Variants in MIPEP observed in about 807,000 individuals in gnomAD.
MIPEP encodes the protein mitochondrial intermediate peptidase.
In MIPEP, 79 loss-of-function variants were observed where a neutral mutation model predicts 90.3. The observed-to-expected ratio is 0.87, with a 90% CI of 0.73 to 1.05. MIPEP has a LOEUF of 1.05. MIPEP is among the 50% of genes least tolerant of loss of function. The probability of loss-of-function intolerance (pLI) is 0.00; values close to 1 mark genes in which losing one functional copy is unlikely to be tolerated. For synonymous variants in MIPEP, 334 were observed against 315.8 expected, an observed-to-expected ratio of 1.06 and a Z score of -0.61; for missense variants, 940 against 905.6, an observed-to-expected ratio of 1.04 and a Z score of -0.49.
At chr13:23,859,972 C>T (rs568536839) in intron 9 of MIPEP, among the ~76,000 whole-genome samples, 5 of 152,370 alleles carry the variant, frequency 3.3e-5, no homozygotes, top group East Asian at 3.9e-4. Flanking sequence ...GCAGGGACTG[C>T]GTCCATGGAA....
intron 16 of MIPEP, among the ~76,000 whole-genome samples, chr13:23,768,754 A>G (rs1202581479): frequency 6.6e-6 from 1 of 152,062 alleles, no homozygotes; most frequent in Non-Finnish European, 1.5e-5. Flanking sequence ...ACAAAACAAA[A>G]ACCCACACAA....
chr13:23,780,237 G>A (rs1376019519), intron 16 of MIPEP, among the ~76,000 whole-genome samples: 1 of 152,188 alleles, frequency 6.6e-6, no homozygotes, highest in Non-Finnish European at 1.5e-5. Flanking sequence ...ACACGGCCGG[G>A]TACCCCTCTG....
At chr13:23,808,314 T>C (rs1375672896) in intron 15 of MIPEP, among the ~76,000 whole-genome samples, 1 of 152,102 alleles carries the variant, frequency 6.6e-6, no homozygotes, top group Non-Finnish European at 1.5e-5. Context: ...TTAGCCAGGA[T>C]GGTCTCGATC....
Position 23,889,280 on chromosome 13 carries a change from G to T in MIPEP, c.41C>A (p.Ala14Glu). ...CGCCCGGCGGGGCGGCAGAGCTGCT[G>T]CTCTGGCTCCCAAGCCGCCCAGCCT... ...VGRLGGLGAR[A>E]AALPPRRAGR... The change falls in exon 1 of 19, where the codon GCA becomes GAA. Residue 14 changes from alanine to glutamate, a missense_variant. Ala to Glu is a moderately radical substitution (Grantham distance 107). Coordinates refer to ENST00000382172, the MANE Select transcript of MIPEP (RefSeq NM_005932.4). 1 of 1,374,328 alleles carries T rather than the reference G, an allele frequency of 7.3e-7. No homozygotes were observed. The highest frequency in any genetic ancestry group is 9.4e-7 in the Non-Finnish European group (1 of 1,062,414). 85.1% of individuals were successfully genotyped at this position (1,374,328 alleles called of 1,614,324 possible). A position where few individuals can be genotyped will look rare whatever the true frequency, so the allele number is the denominator to read the frequency against.
intron 14 of MIPEP, among the ~76,000 whole-genome samples, chr13:23,834,682 ACCT>A (rs1868945265): frequency 6.6e-6 from 1 of 151,044 alleles, no homozygotes; most frequent in Non-Finnish European, 1.5e-5. Context: ...TTTTTCCCAG[ACCT>A]CCTTCCTCCT....
chr13:23,875,559 TA>T (rs1166969403), intron 4 of MIPEP, among the ~76,000 whole-genome samples: 1 of 151,572 alleles, frequency 6.6e-6, no homozygotes. Flanking sequence ...GTATTTTTTT[TA>T]AAAAAAACCA....
Position 23,731,435 on chromosome 13 carries a change from T to G in MIPEP, c.2045-990A>C, listed in dbSNP as rs1000285662. Among the ~76,000 whole-genome samples, 5 of 152,146 alleles carry G rather than the reference T, an allele frequency of 3.3e-5. 1 individual carries two copies. The South Asian group carries it at 1.0e-3, about 32-fold the overall frequency. On this transcript the variant is annotated intron_variant, in intron 18 of 18. Transcript: ENST00000382172. ...GTGAGAGTAGTCGGCTGGGCAGAAC[T>G]GCATATCCATACGGCAGAAAACTAG...
chr13:23,865,696 GT>G lies in MIPEP; in HGVS notation c.944-1508del, dbSNP rs1343302715. ...AATTTTTTTTTTTTTTTGAGATGGA[GT>G]CTTGCTCTGTTGCCCAGGCTGGAGT... On this transcript the variant is annotated intron_variant, in intron 7 of 18. Transcript: ENST00000382172. 3.4e-5 allele frequency among the ~76,000 whole-genome samples: 5 copies of G among 147,198 alleles called. No individual in the cohort carries two copies. The East Asian group carries it at 9.9e-4, about 29-fold the overall frequency.
chr13:23,736,904 T>A (rs192554923), intron 18 of MIPEP, among the ~76,000 whole-genome samples: 1 of 152,330 alleles, frequency 6.6e-6, no homozygotes, highest in Non-Finnish European at 1.5e-5. Flanking sequence ...ACACAACTCA[T>A]AGGTTTGCTT....
intron 7 of MIPEP, among the ~76,000 whole-genome samples, chr13:23,865,630 A>T (rs185626400): frequency 4.0e-4 from 60 of 150,968 alleles, no homozygotes; most frequent in Admixed American, 3.3e-3. Flanking sequence ...CACCCATCTT[A>T]TTCTTCCAGT....
At chr13:23,732,396 T>C (rs1416002390) in intron 18 of MIPEP, among the ~76,000 whole-genome samples, 2 of 151,628 alleles carry the variant, frequency 1.3e-5, no homozygotes, top group Non-Finnish European at 2.9e-5. Context: ...CTTACGAAAC[T>C]AAACATAGAC....
At chr13:23,867,425 C>G (rs182608510) in intron 7 of MIPEP, among the ~76,000 whole-genome samples, 1 of 152,086 alleles carries the variant, frequency 6.6e-6, no homozygotes, top group Non-Finnish European at 1.5e-5. Context: ...GTGAGCCTTC[C>G]GACAATGCTC....
chr13:23,862,830 A>G (rs1006623326), intron 8 of MIPEP, among the ~76,000 whole-genome samples: 1 of 152,212 alleles, frequency 6.6e-6, no homozygotes, highest in African/African-American at 2.4e-5. Context: ...AGAATATGAC[A>G]TGTATATTGG....
chr13:23,800,227 G>A (rs1050951842), intron 16 of MIPEP, among the ~76,000 whole-genome samples: 1 of 152,188 alleles, frequency 6.6e-6, no homozygotes, highest in Non-Finnish European at 1.5e-5. Context: ...AAGGCTAGAA[G>A]TTTCATCCCA....
At chr13:23,821,549 C>A (rs368922959) in intron 14 of MIPEP, among the ~76,000 whole-genome samples, 14 of 152,226 alleles carry the variant, frequency 9.2e-5, no homozygotes, top group East Asian at 5.8e-4. Context: ...ACCGAGCATC[C>A]CACCCTGTGC....
chr13:23,802,111 C>T (rs1341884741), intron 16 of MIPEP, among the ~76,000 whole-genome samples: 1 of 152,154 alleles, frequency 6.6e-6, no homozygotes, highest in Non-Finnish European at 1.5e-5. Flanking sequence ...TCCTTGCCAA[C>T]ATCTGATACT....
intron 18 of MIPEP, among the ~76,000 whole-genome samples, chr13:23,740,171 G>A (rs1031261824): frequency 2.0e-5 from 3 of 152,156 alleles, no homozygotes; most frequent in South Asian, 2.1e-4. Context: ...GTCCCAAAAC[G>A]TCAACAGTGT....
chr13:23,817,170 C>G (rs1409307877), intron 14 of MIPEP, among the ~76,000 whole-genome samples: 1 of 152,208 alleles, frequency 6.6e-6, no homozygotes, highest in Non-Finnish European at 1.5e-5. Flanking sequence ...TTCAGACTTT[C>G]ATTAAGTAAT....
chr13:23,739,171 G>A (rs112589570), intron 18 of MIPEP, among the ~76,000 whole-genome samples: 1 of 152,202 alleles, frequency 6.6e-6, no homozygotes, highest in South Asian at 2.1e-4. Flanking sequence ...TTGAGTACCA[G>A]CTAGCTGGAA....
Sources: gnomAD v4.1 joint callset for allele counts (sites outside exome capture counted in the v4.1 genomes callset) on GRCh38, gnomAD v4.1.1 for gene constraint, MANE v1.5 for transcripts, NCBI Gene and HGNC (gene_info 2026-07-23, HGNC 2026-07-21) for gene names.